The following UGGT2 variants were observed in gnomAD, a reference collection of about 807,000 sequenced individuals.
UGGT2 encodes UDP-glucose glycoprotein glucosyltransferase 2, also known as UDP-glucose:glycoprotein glucosyltransferase 2.
Under a neutral mutation model 192.1 loss-of-function variants are expected in UGGT2, and 180 were observed. The observed-to-expected ratio is 0.94, with a 90% confidence interval of 0.83 to 1.06. The LOEUF (loss-of-function observed/expected upper bound fraction) is 1.06. UGGT2 is among the 50% of genes least tolerant of loss of function. The pLI is 0.00. For synonymous variants in UGGT2, 580 were observed against 591.0 expected, an observed-to-expected ratio of 0.98 and a Z score of 0.27; for missense variants, 1,849 against 1,795.7, an observed-to-expected ratio of 1.03 and a Z score of -0.54.
chr13:95,905,421 T>C (rs973547844), intron 20 of UGGT2, among the ~76,000 whole-genome samples: 1 of 152,120 alleles, frequency 6.6e-6, no homozygotes, highest in African/African-American at 2.4e-5. Flanking sequence ...AGGGTTTTTA[T>C]GGTTTTAGGT....
intron 15 of UGGT2, among the ~76,000 whole-genome samples, chr13:95,946,262 A>T (rs1021220944): frequency 2.0e-5 from 3 of 152,194 alleles, no homozygotes; most frequent in African/African-American, 7.2e-5. Flanking sequence ...TTCTGTATCA[A>T]CCTTACCTCT....
intron 17 of UGGT2, among the ~76,000 whole-genome samples, chr13:95,927,754 G>A (rs896654747): frequency 7.9e-5 from 12 of 152,102 alleles, no homozygotes; most frequent in Non-Finnish European, 1.6e-4. Flanking sequence ...TGGAGGGAAG[G>A]TCAGCAGATA....
chr13:95,931,787 GC>G (rs2049284513), intron 17 of UGGT2, among the ~76,000 whole-genome samples: 1 of 152,150 alleles, frequency 6.6e-6, no homozygotes, highest in South Asian at 2.1e-4. Flanking sequence ...CATGAACGTG[GC>G]GCGGAGCCCT....
chr13:95,877,595 C>T, intron 28 of UGGT2, 103 bp downstream of exon 28: 1 of 1,335,450 alleles, frequency 7.5e-7, no homozygotes, highest in African/African-American at 1.5e-5. Flanking sequence ...TTTCTGCAAA[C>T]TGTTCAGCAA....
intron 4 of UGGT2, among the ~76,000 whole-genome samples, chr13:96,019,500 G>A (rs1388285235): frequency 2.0e-5 from 3 of 152,068 alleles, no homozygotes; most frequent in Non-Finnish European, 2.9e-5. Context: ...AAAACACCCC[G>A]AGAAAAGGCC....
chr13:95,909,113 T>C (rs2048390016), intron 20 of UGGT2, among the ~76,000 whole-genome samples: 1 of 152,126 alleles, frequency 6.6e-6, no homozygotes, highest in Non-Finnish European at 1.5e-5. Context: ...CCACCTTGAA[T>C]TGATTTTTGT....
chr13:95,908,456 C>G (rs1343008971), intron 20 of UGGT2, among the ~76,000 whole-genome samples: 1 of 150,866 alleles, frequency 6.6e-6, no homozygotes, highest in Non-Finnish European at 1.5e-5. Context: ...GTGAGATTCA[C>G]CAAAGTTGAA....
intron 27 of UGGT2, among the ~76,000 whole-genome samples, chr13:95,882,911 A>T (rs1283416767): frequency 6.6e-6 from 1 of 152,228 alleles, no homozygotes; most frequent in Non-Finnish European, 1.5e-5. Context: ...CACTCTCTTC[A>T]TGAAGAATTC....
chr13:95,853,481 G>A (rs1006650741), intron 36 of UGGT2, 62 bp downstream of exon 36: 14 of 1,326,500 alleles, frequency 1.1e-5, no homozygotes, highest in Non-Finnish European at 1.4e-5. Context: ...AAGTTTATGA[G>A]CACGGAGTTG....
At chr13:96,024,942 A>T (rs2052619845) in intron 2 of UGGT2, among the ~76,000 whole-genome samples, 1 of 152,158 alleles carries the variant, frequency 6.6e-6, no homozygotes, top group South Asian at 2.1e-4. Context: ...ATTTGCTCCG[A>T]AAGTGCTGGG....
intron 27 of UGGT2, among the ~76,000 whole-genome samples, chr13:95,880,602 CTCAG>C (rs1316047244): frequency 1.3e-5 from 2 of 152,130 alleles, no homozygotes; most frequent in African/African-American, 4.8e-5. Context: ...GTTTGTTATC[CTCAG>C]TCAACCATGG....
intron 22 of UGGT2, among the ~76,000 whole-genome samples, chr13:95,897,749 T>G (rs2047987722): frequency 6.6e-6 from 1 of 152,194 alleles, no homozygotes; most frequent in Admixed American, 6.5e-5. Flanking sequence ...TACTTTTCTA[T>G]TAAAACCACA....
At chr13:95,966,439 A>G (rs571104030) in intron 12 of UGGT2, among the ~76,000 whole-genome samples, 14 of 152,328 alleles carry the variant, frequency 9.2e-5, no homozygotes, top group African/African-American at 3.1e-4. Context: ...AATAGGTACA[A>G]ACAGTTATCT....
At chr13:95,822,763 G>T (rs911840012) in intron 38 of UGGT2, among the ~76,000 whole-genome samples, 2 of 151,872 alleles carry the variant, frequency 1.3e-5, no homozygotes, top group Non-Finnish European at 2.9e-5. Context: ...CCAGCTTCTT[G>T]TTTCATTGTT....
chr13:95,854,918 C>T (rs934614894), intron 34 of UGGT2, among the ~76,000 whole-genome samples: 9 of 151,752 alleles, frequency 5.9e-5, no homozygotes, highest in Non-Finnish European at 1.2e-4. Context: ...TTCTAAATAG[C>T]TTGAATAAAA....
chr13:96,007,282 G>A (rs1236107477), intron 5 of UGGT2, among the ~76,000 whole-genome samples: 1 of 152,028 alleles, frequency 6.6e-6, no homozygotes, highest in Non-Finnish European at 1.5e-5. Flanking sequence ...AACAAACTAG[G>A]TATAGAGGGA....
chr13:95,992,306 A>G (rs1229252330), intron 7 of UGGT2, among the ~76,000 whole-genome samples: 8 of 152,236 alleles, frequency 5.3e-5, no homozygotes, highest in African/African-American at 1.7e-4. Flanking sequence ...AATGACATTC[A>G]TTCTTCCAAT....
intron 10 of UGGT2, among the ~76,000 whole-genome samples, chr13:95,979,222 TAAC>T (rs1200827083): frequency 6.6e-6 from 1 of 152,110 alleles, no homozygotes; most frequent in Non-Finnish European, 1.5e-5. Flanking sequence ...CACAGCAAAT[TAAC>T]AACAATTATG....
At chr13:95,985,442 T>C (rs1051206565) in intron 9 of UGGT2, 4 of 306,664 alleles carry the variant, frequency 1.3e-5, no homozygotes, top group African/African-American at 6.5e-5. Flanking sequence ...AATTAAAGAA[T>C]ACATATATTG....
Sources: gnomAD v4.1 joint callset for allele counts (sites outside exome capture counted in the v4.1 genomes callset) on GRCh38, gnomAD v4.1.1 for gene constraint, MANE v1.5 for transcripts, NCBI Gene and HGNC (gene_info 2026-07-23, HGNC 2026-07-21) for gene names.